The following MYH9 variants were observed in gnomAD, a reference collection of about 807,000 sequenced individuals.
MYH9 encodes myosin-9.
A neutral mutation model predicts 241.9 loss-of-function variants in MYH9; 29 were observed. That is an observed-to-expected ratio of 0.12 (90% CI 0.09 to 0.16). MYH9 has a LOEUF of 0.16. MYH9 is among the 10% of genes least tolerant of loss of function. The pLI is 1.00. For synonymous variants in MYH9, 1,047 were observed against 1,062.6 expected (o/e 0.99, Z 0.29); for missense variants, 1,803 against 2,595.5 (o/e 0.69, Z 6.63).
Position 36,386,494 on chromosome 22 carries a change from C to T in MYH9, c.-20+1313G>A, listed in dbSNP as rs867885925. On this transcript the variant is annotated intron_variant, in intron 1 of 40. Coordinates refer to ENST00000216181, the MANE Select transcript of MYH9 (RefSeq NM_002473.6). The stretch of plus-strand genomic sequence containing the variant: ...TGTAGTTAGAATGGCCACAGTGCTG[C>T]GCTGCACGGAGAAGGAGCTAAGGCT... Among the ~76,000 whole-genome samples the T allele has an allele frequency of 2.0e-5, 3 of 152,310 alleles. No individual in the cohort carries two copies. The Middle Eastern group carries it at 0.01, about 518-fold the overall frequency.
intron 1 of MYH9, among the ~76,000 whole-genome samples, chr22:36,379,695 G>A (rs555519002): frequency 8.5e-5 from 13 of 152,274 alleles, no homozygotes; most frequent in South Asian, 4.1e-4. Context: ...ACAGGCCTTA[G>A]CCCAACCTGC....
chr22:36,309,424 C>CA (rs1569535490), intron 14 of MYH9, 28 bp from the exon 15 acceptor site: 30 of 1,549,474 alleles, frequency 1.9e-5, no homozygotes, highest in Non-Finnish European at 2.6e-5. Context: ...GCAGGAGTCA[C>CA]AAGCTGCGCT....
chr22:36,288,208 A>G lies in MYH9; in HGVS notation c.4932+44T>C. 1.2e-6 allele frequency: 2 copies of G among 1,610,382 alleles called. No homozygotes were observed. The highest frequency in any genetic ancestry group is 1.7e-6 in the Non-Finnish European group (2 of 1,179,394). ...TGGCACCTTCATATGTAGTTGGCTC[A>G]GTCGGGTGCCGCCCACCCTCACCTG... On this transcript the variant is annotated intron_variant, in intron 34 of 40. Transcript: ENST00000216181. This position sits in a 1 kb window ranked among gnomAD's most constrained non-coding sequence, Gnocchi z 4.8.
In MYH9 at chr22:36,292,127, G is replaced by A. The variant is rs539186034; in HGVS notation, c.4203C>T (p.His1401=). 86 of 1,614,150 alleles carry A rather than the reference G, an allele frequency of 5.3e-5. 1 individual carries two copies. The highest frequency in any genetic ancestry group is 8.9e-5 in the East Asian group (4 of 44,880). The change falls in exon 31 of 41, where the codon CAC becomes CAT. Residue 1401 remains histidine, a synonymous_variant. Transcript: ENST00000216181. The part of the protein sequence containing the change: ...QKDLEGLSQR[H]EEKVAAYDKL... ...TGTCGTAGGCGGCCACCTTCTCCTC[G>A]TGCCGCTGGCTCAGGCCCTCCAGGT...
At position 36,284,089 on chromosome 22, in the gene MYH9, T is replaced by C. The variant is rs879004303; in HGVS notation, c.5765+4A>G. 2.4e-5 allele frequency: 39 copies of C among 1,613,988 alleles called. No homozygotes were observed. The highest frequency in any genetic ancestry group is 3.1e-5 in the Non-Finnish European group (36 of 1,180,002). ...CAAAGGGGCGGGTGGGCAGGGCGGC[T>C]CACCTGAGCTTGTTCTTTAGGGAGC... On this transcript the variant is annotated splice_donor_region_variant and intron_variant, in intron 40 of 40. Transcript: ENST00000216181.
intron 24 of MYH9, 64 bp downstream of exon 24, chr22:36,298,855 C>A: frequency 1.2e-6 from 2 of 1,603,564 alleles, no homozygotes; most frequent in Non-Finnish European, 1.7e-6. Context: ...GACAGGCCGG[C>A]CCCTGACCGC....
At position 36,304,023 on chromosome 22, in the gene MYH9, C is replaced by T. The variant is rs775388995; in HGVS notation, c.2362G>A (p.Ala788Thr). ...KITDVIIGFQ[A>T]CCRGYLARKA... ...CTGGCCAGGTAGCCCCTGCAGCAGG[C>T]CTGGAACCCTATGATGACGTCGGTG... Residue 788 changes from alanine (A) to threonine (T), a missense_variant, in exon 19 of 41, where the codon GCC (alanine) becomes ACC (threonine). By Grantham distance (58) the Ala-to-Thr change is moderately conservative (BLOSUM62 0). Coordinates refer to ENST00000216181, the MANE Select transcript of MYH9 (RefSeq NM_002473.6). 3.7e-6 allele frequency: 6 copies of T among 1,613,734 alleles called. No individual in the cohort carries two copies. The highest frequency in any genetic ancestry group is 3.4e-6 in the Non-Finnish European group (4 of 1,180,038).
chr22:36,342,693 A>G (rs1050169986), intron 2 of MYH9, among the ~76,000 whole-genome samples: 1 of 151,712 alleles, frequency 6.6e-6, no homozygotes, highest in Admixed American at 6.6e-5. Flanking sequence ...AGGGTGGCAG[A>G]TGTTCAGTTG....
chr22:36,349,121 C>T lies in MYH9; in HGVS notation c.116G>A (p.Ser39Asn), dbSNP rs2146393015. ...KKLVWVPSDK[S>N]GFEPASLKEE... is the part of the protein sequence containing the mutation. ...CTTGAGGCTGGCTGGCTCAAAGCCA[C>T]TCTTGTCGGAAGGCACCCATACCAG... The change falls in exon 2 of 41, where the codon AGT becomes AAT. Residue 39 changes from serine to asparagine, a missense_variant. Ser to Asn is a conservative substitution (Grantham distance 46). Around this residue, in one of 11 missense-constraint regions of MYH9, gnomAD observed 75 missense variants for 79.1 expected, o/e 0.95. Coordinates refer to ENST00000216181, the MANE Select transcript of MYH9 (RefSeq NM_002473.6). 6.2e-7 allele frequency: 1 copy of T among 1,614,208 alleles called. No individual in the cohort carries two copies. The highest frequency in any genetic ancestry group is 2.2e-5 in the East Asian group (1 of 44,882).
Position 36,294,976 on chromosome 22 carries a change from G to C in MYH9, c.3586C>G (p.Gln1196Glu), listed in dbSNP as rs1228197720. 17 of 1,614,030 alleles carry C rather than the reference G, an allele frequency of 1.1e-5. No homozygotes were observed. The highest frequency in any genetic ancestry group is 2.7e-5 in the African/African-American group (2 of 74,942). ...TGCTCCGCCAGCTCCTCCACGGCCT[G>C]TGAGTGCTTCTGCCTCATCTCCTGG... ...QIQEMRQKHS[Q>E]AVEELAEQLE... Residue 1196 changes from glutamine (Q) to glutamate (E), a missense_variant, in exon 27 of 41, where the codon CAG becomes GAG. By Grantham distance (29) the Gln-to-Glu change is conservative. Transcript: ENST00000216181.
intron 20 of MYH9, among the ~76,000 whole-genome samples, chr22:36,301,868 T>G (rs147524627): frequency 6.6e-6 from 1 of 152,286 alleles, no homozygotes; most frequent in African/African-American, 2.4e-5. Context: ...CCAGGGAAAC[T>G]ATCCCTGCGT....
At chr22:36,297,950 T>C (rs2016814439) in intron 24 of MYH9, among the ~76,000 whole-genome samples, 1 of 152,196 alleles carries the variant, frequency 6.6e-6, no homozygotes, top group South Asian at 2.1e-4. Context: ...TTAGCCCTTA[T>C]TAGTGTCAAC....
intron 1 of MYH9, among the ~76,000 whole-genome samples, chr22:36,374,748 C>A (rs915187074): frequency 6.6e-6 from 1 of 152,170 alleles, no homozygotes; most frequent in Non-Finnish European, 1.5e-5. Context: ...CAAGCCTTCA[C>A]GGGCCGTCTT....
intron 1 of MYH9, among the ~76,000 whole-genome samples, chr22:36,381,749 T>C (rs748474211): frequency 1.3e-5 from 2 of 152,166 alleles, no homozygotes; most frequent in African/African-American, 2.4e-5. Flanking sequence ...TCAGTACATA[T>C]GGATTGACCT....
At chr22:36,322,129 T>C (rs1236392780) in intron 6 of MYH9, among the ~76,000 whole-genome samples, 2 of 152,234 alleles carry the variant, frequency 1.3e-5, no homozygotes, top group East Asian at 1.9e-4. Flanking sequence ...ACCCGGGAAC[T>C]AACTGGCTAC....
rs545172490 is a variant in MYH9 at position 36,301,060 on chromosome 22, G to T, written c.2632-3C>A. ...AGCTGCAATTTCTCTGCCATGAGCT[G>T]CAAACAACAAGTGGAAAACACAAGC... On this transcript the variant is annotated splice_polypyrimidine_tract_variant and splice_region_variant and intron_variant, in intron 21 of 40. Coordinates refer to ENST00000216181, the MANE Select transcript of MYH9 (RefSeq NM_002473.6). The T allele has an allele frequency of 6.2e-7, 1 of 1,608,546 alleles. No individual in the cohort carries two copies.
At chr22:36,375,336 A>G (rs1220014290) in intron 1 of MYH9, among the ~76,000 whole-genome samples, 5 of 152,224 alleles carry the variant, frequency 3.3e-5, no homozygotes, top group Non-Finnish European at 7.3e-5. Flanking sequence ...GCTCTCCCTT[A>G]GGACCAACCA....
intron 1 of MYH9, among the ~76,000 whole-genome samples, chr22:36,379,072 CTGA>C (rs1257741686): frequency 6.6e-6 from 1 of 152,070 alleles, no homozygotes; most frequent in African/African-American, 2.4e-5. Flanking sequence ...ATTGTTGTTG[CTGA>C]TTTTTCTTTT....
At position 36,293,880 on chromosome 22, in the gene MYH9, G is replaced by A. The variant is rs1463936056; in HGVS notation, c.3838-17C>T. 6.2e-7 allele frequency: 1 copy of A among 1,607,504 alleles called. No homozygotes were observed. Among genetic ancestry groups the A allele is most frequent in the Non-Finnish European group, 8.5e-7 (1 of 1,176,578 alleles). ...CAGCTCCACCTGCACCGGGCGGGGA[G>A]ACACAAAGGACCATGGACCCACCCC... On this transcript the variant is annotated splice_polypyrimidine_tract_variant and intron_variant, in intron 28 of 40. Transcript: ENST00000216181. The surrounding 1 kb of genome is among the most constrained non-coding windows in gnomAD (Gnocchi z 5.1).
Sources: gnomAD v4.1 joint callset for allele counts (sites outside exome capture counted in the v4.1 genomes callset) on GRCh38, gnomAD v4.1.1 for gene constraint, gnomAD v4.1.1 regional missense constraint, Gnocchi (gnomAD v3.1) non-coding constraint, MANE v1.5 for transcripts, NCBI Gene and HGNC (gene_info 2026-07-23, HGNC 2026-07-21) for gene names.